Variants in PLPP7 observed in about 807,000 individuals in gnomAD.
The protein encoded by PLPP7 is phospholipid phosphatase 7 (inactive).
Under a neutral mutation model 16.9 loss-of-function variants are expected in PLPP7, and 11 were observed. The observed-to-expected ratio is 0.65, with a 90% CI of 0.41 to 1.08. PLPP7 has a LOEUF of 1.08. Ranked by LOEUF, PLPP7 falls within the 50% of genes least tolerant of loss-of-function variation. PLPP7 has a pLI of 0.00. For missense variants in PLPP7, 358 were observed against 397.1 expected, an observed-to-expected ratio of 0.90 and a Z score of 0.84; for synonymous variants, 174 against 175.1, an observed-to-expected ratio of 0.99 and a Z score of 0.05.
At chr9:131,293,882 C>T (rs890021057) in intron 1 of PLPP7, among the ~76,000 whole-genome samples, 1 of 152,266 alleles carries the variant, frequency 6.6e-6, no homozygotes. Context: ...CCTGCCCACC[C>T]GCTCTGGCCC....
intron 1 of PLPP7, chr9:131,291,485 G>A (rs1157862512): frequency 1.1e-5 from 10 of 945,980 alleles, no homozygotes; most frequent in East Asian, 8.9e-5. Context: ...GGTGGGACTC[G>A]GGGAGGCAGA....
chr9:131,291,087 G>C (rs751358825), intron 1 of PLPP7: 14 of 1,366,348 alleles, frequency 1.0e-5, no homozygotes, highest in Non-Finnish European at 1.4e-5. Flanking sequence ...TGTTTGCAAA[G>C]TCTTTGCCAC....
At chr9:131,292,835 T>C in intron 1 of PLPP7, 3 of 984,338 alleles carry the variant, frequency 3.0e-6, no homozygotes, top group Non-Finnish European at 3.6e-6. Flanking sequence ...CATTGAAAAA[T>C]TTGCAACCTA....
intron 1 of PLPP7, chr9:131,291,130 A>G: frequency 7.3e-7 from 1 of 1,366,532 alleles, no homozygotes; most frequent in Middle Eastern, 2.1e-4. Context: ...GCCCTGTGCC[A>G]GGTGCCACGT....
intron 1 of PLPP7, among the ~76,000 whole-genome samples, chr9:131,306,631 G>T (rs1174781624): frequency 6.6e-6 from 1 of 152,168 alleles, no homozygotes; most frequent in East Asian, 1.9e-4. Context: ...CTGCCACATG[G>T]GTGGATGCTG....
chr9:131,307,839 A>T, intron 1 of PLPP7, 84 bp from the exon 2 acceptor site: 1 of 1,354,126 alleles, frequency 7.4e-7, no homozygotes, highest in Non-Finnish European at 9.8e-7. Flanking sequence ...CAGAAAGGGG[A>T]GGCGAGGTGG....
At position 131,303,626 on chromosome 9, in the gene PLPP7, A is replaced by G. The variant is rs189994414; in HGVS notation, c.452-4297A>G. Among the ~76,000 whole-genome samples the G allele has an allele frequency of 1.6e-3, 239 of 152,090 alleles. 1 individual carries two copies. The highest frequency in any genetic ancestry group is 6.8e-3 in the Middle Eastern group (2 of 294). On this transcript the variant is annotated intron_variant, in intron 1 of 1. Coordinates refer to ENST00000372264, the MANE Select transcript of PLPP7 (RefSeq NM_032728.4). Reference sequence around the variant, plus strand: ...GAGTCATAACCCCCCACCTTTATCCAGCCCTCCTGGTGGGCCAGGCGTTTG... The same window carrying G: ...GAGTCATAACCCCCCACCTTTATCCGGCCCTCCTGGTGGGCCAGGCGTTTG...
rs1835880952 is a variant in PLPP7 at position 131,308,401 on chromosome 9, C to T, written c.*114C>T. ...CAGAGCGGCCAGGAGTCAGAGCGGC[C>T]ACCCCCACCTCATCTTCCCCTCCTG... On this transcript the variant is annotated 3_prime_UTR_variant, in exon 2 of 2. Transcript: ENST00000372264. 2 of 1,419,016 alleles carry T rather than the reference C, an allele frequency of 1.4e-6. 1 individual carries two copies. The highest frequency in any genetic ancestry group is 3.0e-5 in the South Asian group (2 of 67,338). 87.9% of individuals were successfully genotyped at this position (1,419,016 alleles called of 1,614,324 possible). A position where few individuals can be genotyped will look rare whatever the true frequency, so the allele number is the denominator to read the frequency against.
intron 1 of PLPP7, among the ~76,000 whole-genome samples, chr9:131,297,877 A>G (rs941120714): frequency 6.6e-6 from 1 of 152,078 alleles, no homozygotes; most frequent in African/African-American, 2.4e-5. Context: ...GCTTACATAC[A>G]TATCTTATTT....
chr9:131,294,068 G>A (rs1835710006), intron 1 of PLPP7, among the ~76,000 whole-genome samples: 1 of 152,190 alleles, frequency 6.6e-6, no homozygotes, highest in African/African-American at 2.4e-5. Context: ...GAAGTTCTCT[G>A]CATGCTCCCT....
intron 1 of PLPP7, among the ~76,000 whole-genome samples, chr9:131,293,675 G>A (rs1170909952): frequency 6.6e-6 from 1 of 152,196 alleles, no homozygotes; most frequent in African/African-American, 2.4e-5. Context: ...TATTGTCCAG[G>A]TCCCTGCTCT....
At chr9:131,297,971 G>A (rs976707871) in intron 1 of PLPP7, among the ~76,000 whole-genome samples, 7 of 152,088 alleles carry the variant, frequency 4.6e-5, no homozygotes, top group East Asian at 1.9e-4. Flanking sequence ...TGATATAGTC[G>A]GGCTATAAAT....
At position 131,303,796 on chromosome 9, in the gene PLPP7, A is replaced by T. The variant is rs541559824; in HGVS notation, c.452-4127A>T. 3.3e-5 allele frequency among the ~76,000 whole-genome samples: 5 copies of T among 151,914 alleles called. No homozygotes were observed. In the South Asian group the frequency reaches 1.0e-3, roughly 32 times the overall value. On this transcript the variant is annotated intron_variant, in intron 1 of 1. Transcript: ENST00000372264. The stretch of plus-strand genomic sequence containing the variant: ...GGCATGGTGCCTGGCCCCCTCTGGG[A>T]GGTGGGTGTCCCTGAGCTTCGTCTC...
chr9:131,293,894 G>A (rs563867555), intron 1 of PLPP7, among the ~76,000 whole-genome samples: 3 of 152,160 alleles, frequency 2.0e-5, no homozygotes, highest in African/African-American at 7.2e-5. Context: ...CTCTGGCCCC[G>A]TGGCACTCAG....
At chr9:131,304,872 G>C (rs1835837319) in intron 1 of PLPP7, among the ~76,000 whole-genome samples, 1 of 152,248 alleles carries the variant, frequency 6.6e-6, no homozygotes, top group African/African-American at 2.4e-5. Context: ...CCACGAAACA[G>C]AGGGCCAGAT....
chr9:131,298,074 GGTCGTTTCAC>G (rs1835754785), intron 1 of PLPP7, among the ~76,000 whole-genome samples: 1 of 152,014 alleles, frequency 6.6e-6, no homozygotes, highest in African/African-American at 2.4e-5. Flanking sequence ...AAGGGCGCTG[GGTCGTTTCAC>G]GTTTTTCGGT....
chr9:131,308,639 C>G lies in PLPP7; in HGVS notation c.*352C>G. The stretch of plus-strand genomic sequence containing the variant: ...TTGTCTTGTCCTTTCATCATCATGA[C>G]TGTTGAGTTCTTGGCTGTGCCCATC... On this transcript the variant is annotated 3_prime_UTR_variant, in exon 2 of 2. Coordinates refer to ENST00000372264, the MANE Select transcript of PLPP7 (RefSeq NM_032728.4). 1 of 295,600 alleles carries G rather than the reference C, an allele frequency of 3.4e-6. No homozygotes were observed. The highest frequency in any genetic ancestry group is 6.5e-6 in the Non-Finnish European group (1 of 153,984). 18.3% of individuals were successfully genotyped at this position (295,600 alleles called of 1,614,324 possible).
In PLPP7 at chr9:131,290,940, G is replaced by T. The variant is rs546709496; in HGVS notation, c.451+492G>T. Among the ~76,000 whole-genome samples the T allele has an allele frequency of 6.6e-6, 1 of 152,132 alleles. No homozygotes were observed. Among genetic ancestry groups the T allele is most frequent in the African/African-American group, 2.4e-5 (1 of 41,438 alleles). The stretch of plus-strand genomic sequence containing the variant: ...TTCAGGAACCGGGAAAGCTGCCCAG[G>T]CTTCTTCCCCAGGGTCTGGGGACCC... On this transcript the variant is annotated intron_variant, in intron 1 of 1. Coordinates refer to ENST00000372264, the MANE Select transcript of PLPP7 (RefSeq NM_032728.4). This position sits in a 1 kb window ranked among gnomAD's most constrained non-coding sequence, Gnocchi z 4.2.
rs563537776 is a variant in PLPP7, at chr9:131,299,364, C to G, written c.452-8559C>G. Among the ~76,000 whole-genome samples the G allele has an allele frequency of 7.0e-4, 26 of 37,276 alleles. No individual in the cohort carries two copies. The East Asian group carries it at 0.011, about 16-fold the overall frequency. 24.5% of individuals were successfully genotyped at this position (37,276 alleles called of 152,430 possible). ...AGGGGTCTCCTTGCCCTCCTTGAGTCAACTGGTCGACTGGACAGGGCCATG... is the reference window on the plus strand; with the variant it reads ...AGGGGTCTCCTTGCCCTCCTTGAGTGAACTGGTCGACTGGACAGGGCCATG... On this transcript the variant is annotated intron_variant, in intron 1 of 1. Transcript: ENST00000372264.
Sources: allele counts gnomAD v4.1 joint callset (sites outside exome capture counted in the v4.1 genomes callset), GRCh38; gene constraint gnomAD v4.1.1; non-coding constraint Gnocchi (gnomAD v3.1); transcripts MANE v1.5; gene names NCBI Gene and HGNC (gene_info 2026-07-23, HGNC 2026-07-21).